TMEM26: variants seen among roughly 807,000 people sequenced by gnomAD.
The protein encoded by TMEM26 is transmembrane protein 26.
Under a neutral mutation model 28.8 loss-of-function variants are expected in TMEM26, and 38 were observed. The ratio of observed to expected loss-of-function variants is 1.32; its 90% confidence interval spans 1.02 to 1.73. The LOEUF (loss-of-function observed/expected upper bound fraction) is 1.73. Ranked by LOEUF, TMEM26 falls within the 40% of genes most tolerant of loss-of-function variation. TMEM26 has a pLI of 0.00. For missense variants in TMEM26, 518 were observed against 447.1 expected (o/e 1.16, Z -1.43); for synonymous variants, 227 against 182.9 (o/e 1.24, Z -1.95).
intron 2 of TMEM26, 134 bp downstream of exon 2, chr10:61,436,036 T>C (rs1007198598): frequency 4.5e-6 from 2 of 447,882 alleles, no homozygotes; most frequent in Non-Finnish European, 7.8e-6. Context: ...TTCCTTTTGC[T>C]GATAGCCTCT....
rs1237707352 is a variant in TMEM26, at chr10:61,452,946, G to A, written c.136C>T (p.Leu46Phe). ...AGGGTGAGCGCAGTCTCCAGGAAGA[G>A]CAAGAGGTTGAGCAGCGCAAGCAGC... is the stretch of plus-strand genomic sequence containing the variant. ...YWLLALLNLL[L>F]FLETALTLKF... The change falls in exon 1 of 6, where the codon CTC becomes TTC. Residue 46 changes from leucine (L) to phenylalanine (F), a missense_variant. By Grantham distance (22) the Leu-to-Phe change is conservative. Coordinates refer to ENST00000399298, the MANE Select transcript of TMEM26 (RefSeq NM_178505.8). The A allele has an allele frequency of 3.1e-6, 5 of 1,613,992 alleles. No individual in the cohort carries two copies. Among genetic ancestry groups the A allele is most frequent in the Non-Finnish European group, 4.2e-6 (5 of 1,180,026 alleles).
intron 1 of TMEM26, among the ~76,000 whole-genome samples, chr10:61,445,401 C>G (rs1324831669): frequency 6.6e-6 from 1 of 152,192 alleles, no homozygotes; most frequent in Non-Finnish European, 1.5e-5. Context: ...TGTTAGAGAA[C>G]CTCTTTATGT....
chr10:61,414,395 T>C (rs1187009047), intron 4 of TMEM26: 1 of 151,996 alleles, frequency 6.6e-6, no homozygotes, highest in Non-Finnish European at 1.5e-5. Context: ...ATTTTCAGAT[T>C]GAAGAGGTCT....
Position 61,422,934 on chromosome 10 carries a change from A to G in TMEM26, c.605+5992T>C, listed in dbSNP as rs557093165. The stretch of plus-strand genomic sequence containing the variant: ...CCAATAAACCTGATCAAACCAAAAA[A>G]GTAAACATCAGCCTCTCCCCTCACT... On this transcript the variant is annotated intron_variant, in intron 4 of 5. Transcript: ENST00000399298. Among the ~76,000 whole-genome samples, 7 of 152,282 alleles carry G rather than the reference A, an allele frequency of 4.6e-5. No individual in the cohort carries two copies. In the South Asian group the frequency reaches 1.4e-3, roughly 32 times the overall value.
chr10:61,418,978 G>A (rs564513397), intron 4 of TMEM26, among the ~76,000 whole-genome samples: 3 of 152,246 alleles, frequency 2.0e-5, no homozygotes, highest in Admixed American at 2.0e-4. Context: ...AGGGCTCATA[G>A]TATTTGATTC....
chr10:61,430,793 G>C, intron 3 of TMEM26, among the ~76,000 whole-genome samples: 1 of 151,922 alleles, frequency 6.6e-6, no homozygotes. Context: ...TTGATGGATG[G>C]GGAGGCTGTA....
chr10:61,425,132 C>T (rs188434590), intron 4 of TMEM26, among the ~76,000 whole-genome samples: 16 of 152,208 alleles, frequency 1.1e-4, no homozygotes, highest in African/African-American at 3.6e-4. Context: ...TCACATCTTA[C>T]GTGGCTGACA....
At chr10:61,436,995 G>T (rs976630831) in intron 1 of TMEM26, among the ~76,000 whole-genome samples, 1 of 152,132 alleles carries the variant, frequency 6.6e-6, no homozygotes, top group Non-Finnish European at 1.5e-5. Context: ...GCCAACTCAG[G>T]CTGCTGTACA....
At chr10:61,439,198 T>TA (rs1840053209) in intron 1 of TMEM26, among the ~76,000 whole-genome samples, 1 of 152,226 alleles carries the variant, frequency 6.6e-6, no homozygotes, top group Admixed American at 6.5e-5. Context: ...CAGCAGGAAT[T>TA]AATCTTAACC....
chr10:61,440,854 G>C (rs1840081062), intron 1 of TMEM26, among the ~76,000 whole-genome samples: 1 of 152,152 alleles, frequency 6.6e-6, no homozygotes, highest in South Asian at 2.1e-4. Context: ...ATCTGGGGGG[G>C]ATTGGTTCTA....
At chr10:61,431,434 CAG>C in intron 2 of TMEM26, 102 bp from the exon 3 acceptor site, 1 of 826,032 alleles carries the variant, frequency 1.2e-6, no homozygotes, top group South Asian at 1.6e-5. Flanking sequence ...AGCAGATATG[CAG>C]AGTTTATACA....
At chr10:61,413,413 A>G (rs761665587) in intron 5 of TMEM26, 46 bp downstream of exon 5, 1 of 1,597,270 alleles carries the variant, frequency 6.3e-7, no homozygotes, top group Non-Finnish European at 8.5e-7. Flanking sequence ...TTAATAATCA[A>G]GAGGTGTAAT....
At chr10:61,415,426 T>C (rs1392577882) in intron 4 of TMEM26, among the ~76,000 whole-genome samples, 1 of 152,074 alleles carries the variant, frequency 6.6e-6, no homozygotes, top group Admixed American at 6.6e-5. Flanking sequence ...AATAAGTGCC[T>C]GAATTTTTAA....
At chr10:61,415,698 A>G (rs935847862) in intron 4 of TMEM26, among the ~76,000 whole-genome samples, 3 of 152,064 alleles carry the variant, frequency 2.0e-5, no homozygotes, top group African/African-American at 7.2e-5. Context: ...ATTTCCATGA[A>G]TGAAACGGAA....
chr10:61,428,619 G>A (rs983093859), intron 4 of TMEM26, among the ~76,000 whole-genome samples: 11 of 151,946 alleles, frequency 7.2e-5, no homozygotes, highest in African/African-American at 2.7e-4. Context: ...ACTTCAGAAG[G>A]TTTTCAGAGA....
intron 2 of TMEM26, among the ~76,000 whole-genome samples, chr10:61,432,338 G>A (rs992963471): frequency 2.0e-5 from 3 of 152,010 alleles, no homozygotes; most frequent in African/African-American, 4.8e-5. Flanking sequence ...ATGAAAAATG[G>A]CATTTTTCCT....
At chr10:61,424,784 G>A (rs1300802106) in intron 4 of TMEM26, among the ~76,000 whole-genome samples, 1 of 152,142 alleles carries the variant, frequency 6.6e-6, no homozygotes, top group Non-Finnish European at 1.5e-5. Context: ...GTGATCCGCT[G>A]ATTTTTGACA....
chr10:61,414,030 A>C, intron 4 of TMEM26: 1 of 987,504 alleles, frequency 1.0e-6, no homozygotes, highest in Non-Finnish European at 1.2e-6. Context: ...AGGTAAGGAG[A>C]TAAATCCAAT....
At chr10:61,427,075 G>T (rs917666553) in intron 4 of TMEM26, among the ~76,000 whole-genome samples, 35 of 152,048 alleles carry the variant, frequency 2.3e-4, no homozygotes, top group Non-Finnish European at 4.9e-4. Context: ...AAATGAAAAT[G>T]ACTTCAACCT....
Sources: gnomAD v4.1 joint callset for allele counts (sites outside exome capture counted in the v4.1 genomes callset) on GRCh38, gnomAD v4.1.1 for gene constraint, MANE v1.5 for transcripts, NCBI Gene and HGNC (gene_info 2026-07-23, HGNC 2026-07-21) for gene names.